Variants in TUBB8 observed in about 807,000 individuals in gnomAD.
TUBB8 encodes the protein tubulin beta 8 class VIII.
A neutral mutation model predicts 33.7 loss-of-function variants in TUBB8; 25 were observed. The observed-to-expected ratio is 0.74, with a 90% CI of 0.54 to 1.04. TUBB8 has a LOEUF of 1.04. TUBB8 is among the 50% of genes least tolerant of loss of function. The probability of loss-of-function intolerance (pLI) is 0.00; values close to 1 mark genes in which losing one functional copy is unlikely to be tolerated. For missense variants in TUBB8, 279 were observed against 608.0 expected (o/e 0.46, Z 5.69); for synonymous variants, 245 against 240.1 (o/e 1.02, Z -0.19).
intron 1 of TUBB8, among the ~76,000 whole-genome samples, chr10:55,033 A>C: frequency 6.6e-6 from 1 of 152,210 alleles, no homozygotes; most frequent in Non-Finnish European, 1.5e-5. Context: ...TGGGATTACA[A>C]GCATAAGCCA....
intron 1 of TUBB8, among the ~76,000 whole-genome samples, chr10:70,431 C>G (rs1220997490): frequency 1.3e-5 from 2 of 152,190 alleles, no homozygotes; most frequent in East Asian, 1.9e-4. Flanking sequence ...TATCCCTCCC[C>G]ACTCTCCCCA....
intron 1 of TUBB8, among the ~76,000 whole-genome samples, chr10:54,436 A>G (rs1288050515): frequency 6.6e-6 from 1 of 151,346 alleles, no homozygotes; most frequent in African/African-American, 2.4e-5. Flanking sequence ...CTATCCAGTC[A>G]TCTGTTGATG....
intron 1 of TUBB8, among the ~76,000 whole-genome samples, chr10:71,739 G>A (rs187527346): frequency 0.011 from 1,387 of 127,310 alleles, 13 homozygotes; most frequent in Middle Eastern, 0.018. Context: ...CAAACCTGAG[G>A]GACATAAAGA....
At chr10:53,195 T>G (rs1834490229), upstream of TUBB8, among the ~76,000 whole-genome samples, 1 of 152,238 alleles carries the variant, frequency 6.6e-6, no homozygotes, top group Admixed American at 6.5e-5. Context: ...GTGCACCATC[T>G]TGCCTTACTG....
At chr10:67,727 A>G (rs563335973) in intron 1 of TUBB8, among the ~76,000 whole-genome samples, 1 of 152,294 alleles carries the variant, frequency 6.6e-6, no homozygotes, top group Admixed American at 6.5e-5. Flanking sequence ...GCTCAGCCTC[A>G]TGTACAAGTC....
At chr10:74,220 G>A (rs1305994676), upstream of TUBB8, 4 of 151,456 alleles carry the variant, frequency 2.6e-5, no homozygotes, top group Non-Finnish European at 5.9e-5. Flanking sequence ...GCGCCCCCTC[G>A]CGACAGCTCT....
intron 1 of TUBB8, among the ~76,000 whole-genome samples, chr10:63,482 C>T (rs12259357): frequency 0.084 from 8,995 of 107,630 alleles, no homozygotes; most frequent in African/African-American, 0.19. Flanking sequence ...ATGCTTTATT[C>T]TTTATTCTTT....
Position 46,909 on chromosome 10 carries a change from A to G in TUBB8, c.*148T>C, listed in dbSNP as rs1379180608. 1.8e-5 allele frequency: 10 copies of G among 569,678 alleles called. No homozygotes were observed. Among genetic ancestry groups the G allele is most frequent in the Middle Eastern group, 4.6e-4 (1 of 2,192 alleles). The allele number at this position is 569,678 out of a possible 1,614,324, so 35.3% of individuals were successfully genotyped here. A position where few individuals can be genotyped will look rare whatever the true frequency, so the allele number is the denominator to read the frequency against. On this transcript the variant is annotated 3_prime_UTR_variant, in exon 4 of 4. Coordinates refer to ENST00000568584, the MANE Select transcript of TUBB8 (RefSeq NM_177987.3). ...AAACCAGATGCTGTGAGAATACTTT[A>G]TTAGTCAAAACCGCATACTATAAAA...
At chr10:52,107 T>C (rs1834475805), upstream of TUBB8, among the ~76,000 whole-genome samples, 1 of 152,246 alleles carries the variant, frequency 6.6e-6, no homozygotes, top group Non-Finnish European at 1.5e-5. Flanking sequence ...CCTCTAACCC[T>C]GTGGGCTTGG....
intron 1 of TUBB8, among the ~76,000 whole-genome samples, chr10:66,485 C>G (rs1315791702): frequency 2.0e-5 from 3 of 152,112 alleles, no homozygotes; most frequent in Non-Finnish European, 2.9e-5. Flanking sequence ...ACTCTCTCTA[C>G]AAATAACTTA....
At chr10:57,995 A>C (rs9919435) in intron 1 of TUBB8, among the ~76,000 whole-genome samples, 1 of 137,800 alleles carries the variant, frequency 7.3e-6, no homozygotes, top group Non-Finnish European at 1.6e-5. Context: ...TTGCTCCAAC[A>C]TGTGAGCATA....
chr10:59,555 GGGA>G (rs1834572525), intron 1 of TUBB8, among the ~76,000 whole-genome samples: 6 of 152,132 alleles, frequency 3.9e-5, no homozygotes, highest in African/African-American at 1.4e-4. Flanking sequence ...TTGTATCTCT[GGGA>G]TAAATTCCCC....
chr10:60,313 T>C (rs1326239322), intron 1 of TUBB8, among the ~76,000 whole-genome samples: 3 of 152,176 alleles, frequency 2.0e-5, no homozygotes, highest in African/African-American at 7.2e-5. Context: ...GAGAAAATTT[T>C]TGCAACCTAC....
At chr10:49,132 C>T (rs782189229) in intron 1 of TUBB8, 50 bp downstream of exon 1, 18 of 1,537,824 alleles carry the variant, frequency 1.2e-5, no homozygotes, top group Non-Finnish European at 1.6e-5. Flanking sequence ...AACACCTTCC[C>T]CGGCCACCCG....
At chr10:53,302 A>G (rs1315997368), upstream of TUBB8, among the ~76,000 whole-genome samples, 1 of 152,004 alleles carries the variant, frequency 6.6e-6, no homozygotes, top group Non-Finnish European at 1.5e-5. Context: ...TAATTTTTGT[A>G]TCTTTAGTAG....
intron 1 of TUBB8, among the ~76,000 whole-genome samples, chr10:62,761 T>G (rs1349893540): frequency 6.6e-6 from 1 of 152,266 alleles, no homozygotes; most frequent in African/African-American, 2.4e-5. Flanking sequence ...GCCAAATACA[T>G]TATTCTAAAG....
At chr10:59,421 T>A (rs1554740598) in intron 1 of TUBB8, among the ~76,000 whole-genome samples, 2 of 152,186 alleles carry the variant, frequency 1.3e-5, no homozygotes, top group African/African-American at 4.8e-5. Context: ...ACTCCTGAAC[T>A]CAGGTGATCC....
rs782166375 is a variant in TUBB8 at position 48,652 on chromosome 10, G to A, written c.240C>T (p.Pro80=). The change falls in exon 3 of 4, where the codon CCC becomes CCT. Residue 80 remains proline (P), a synonymous_variant. Coordinates refer to ENST00000568584, the MANE Select transcript of TUBB8 (RefSeq NM_177987.3). The part of the protein sequence containing the change: ...PGTMDSVRSG[P]FGQVFRPDNF... ...TGTCTGGCCTGAAGACCTGCCCGAAGGGCCCCGAGCGCACAGAGTCCATGG... is the reference window on the plus strand; with the variant it reads ...TGTCTGGCCTGAAGACCTGCCCGAAAGGCCCCGAGCGCACAGAGTCCATGG... The A allele has an allele frequency of 8.1e-6, 13 of 1,612,142 alleles. No individual in the cohort carries two copies. Among genetic ancestry groups the A allele is most frequent in the South Asian group, 5.5e-5 (5 of 91,006 alleles).
Position 47,475 on chromosome 10 carries a change from C to CG in TUBB8, c.916dup (p.Arg306ProfsTer23). ...AGCCGCCGTTAGGTAGCGGCCGTGA[C>CG]GGGGGTCACAGGCAGCCATCATGTT... is the stretch of plus-strand genomic sequence containing the variant. On this transcript the variant is annotated frameshift_variant, in exon 4 of 4. Transcript: ENST00000568584. LOFTEE classifies it high-confidence loss of function. The CG allele has an allele frequency of 6.2e-7, 1 of 1,612,302 alleles. No homozygotes were observed. Among genetic ancestry groups the CG allele is most frequent in the Non-Finnish European group, 8.5e-7 (1 of 1,180,002 alleles).
Sources: gnomAD v4.1 joint callset for allele counts (sites outside exome capture counted in the v4.1 genomes callset) on GRCh38, gnomAD v4.1.1 for gene constraint, MANE v1.5 for transcripts, NCBI Gene and HGNC (gene_info 2026-07-23, HGNC 2026-07-21) for gene names.